FAM135B: variants seen among roughly 807,000 people sequenced by gnomAD.
FAM135B encodes the protein protein FAM135B.
A neutral mutation model predicts 127.7 loss-of-function variants in FAM135B; 43 were observed. The observed-to-expected ratio is 0.34, with a 90% CI of 0.26 to 0.43. FAM135B has a LOEUF of 0.43. Among genes scored for constraint, FAM135B ranks in the 20% least tolerant of loss-of-function variants. The probability of loss-of-function intolerance (pLI) is 1.00; values close to 1 mark genes in which losing one functional copy is unlikely to be tolerated. For synonymous variants in FAM135B, 670 were observed against 665.1 expected, an observed-to-expected ratio of 1.01 and a Z score of -0.11; for missense variants, 1,558 against 1,725.6, an observed-to-expected ratio of 0.90 and a Z score of 1.72.
At chr8:138,447,817 A>AAG (rs1836273773) in intron 1 of FAM135B, among the ~76,000 whole-genome samples, 1 of 151,616 alleles carries the variant, frequency 6.6e-6, no homozygotes, top group African/African-American at 2.4e-5. Context: ...TAATAAAAAA[A>AAG]AAAAGAAAAA....
intron 5 of FAM135B, among the ~76,000 whole-genome samples, chr8:138,252,636 C>A (rs1455217344): frequency 6.6e-6 from 1 of 152,060 alleles, no homozygotes; most frequent in Non-Finnish European, 1.5e-5. Flanking sequence ...GCAGGGAGGT[C>A]TCTAAGCTCT....
At chr8:138,423,922 A>G (rs187590706) in intron 1 of FAM135B, among the ~76,000 whole-genome samples, 1 of 152,314 alleles carries the variant, frequency 6.6e-6, no homozygotes, top group East Asian at 1.9e-4. Flanking sequence ...CCTTGCTGAG[A>G]AAAAGAATTC....
chr8:138,420,417 G>C (rs12541783), intron 1 of FAM135B, among the ~76,000 whole-genome samples: 58,026 of 151,704 alleles, frequency 0.38, 12,035 homozygotes, highest in Non-Finnish European at 0.47. Flanking sequence ...AAATTTACCA[G>C]ATATAGACAG....
chr8:138,411,472 T>A (rs566072916), intron 1 of FAM135B, among the ~76,000 whole-genome samples: 1 of 152,050 alleles, frequency 6.6e-6, no homozygotes, highest in Non-Finnish European at 1.5e-5. Flanking sequence ...TTACACCTTA[T>A]ACGAAAATCA....
chr8:138,240,593 G>C (rs1820680104), intron 7 of FAM135B, among the ~76,000 whole-genome samples: 1 of 152,182 alleles, frequency 6.6e-6, no homozygotes, highest in Admixed American at 6.5e-5. Flanking sequence ...GCATGGTGCT[G>C]GCCCTAGGGA....
At chr8:138,280,605 T>C (rs1421400532) in intron 3 of FAM135B, among the ~76,000 whole-genome samples, 1 of 152,174 alleles carries the variant, frequency 6.6e-6, no homozygotes, top group Non-Finnish European at 1.5e-5. Context: ...TCAGTAGTGC[T>C]GTGGTTCATC....
intron 1 of FAM135B, chr8:138,477,525 C>T (rs1275903153): frequency 6.6e-6 from 1 of 152,162 alleles, no homozygotes; most frequent in Non-Finnish European, 1.5e-5. Flanking sequence ...GTCATGGCTA[C>T]AAGGTCATGG....
At chr8:138,389,295 C>T (rs1224368140) in intron 1 of FAM135B, among the ~76,000 whole-genome samples, 1 of 152,188 alleles carries the variant, frequency 6.6e-6, no homozygotes, top group African/African-American at 2.4e-5. Flanking sequence ...CCAGCAATCC[C>T]ATTCTGGGTA....
intron 2 of FAM135B, among the ~76,000 whole-genome samples, chr8:138,340,964 T>C (rs1238366198): frequency 1.3e-5 from 2 of 152,354 alleles, no homozygotes; most frequent in South Asian, 2.1e-4. Flanking sequence ...CGGAGCACTT[T>C]CCTAGTATAG....
chr8:138,342,513 G>A (rs541663240), intron 2 of FAM135B, among the ~76,000 whole-genome samples: 2 of 152,300 alleles, frequency 1.3e-5, no homozygotes, highest in South Asian at 4.1e-4. Context: ...TGATTTTAAA[G>A]GGCCTTTGGC....
At chr8:138,212,634 T>C (rs2129876512) in intron 7 of FAM135B, among the ~76,000 whole-genome samples, 1 of 152,344 alleles carries the variant, frequency 6.6e-6, no homozygotes, top group East Asian at 1.9e-4. Flanking sequence ...GTGTGGAGAA[T>C]ACTTAACAAT....
chr8:138,316,277 C>T (rs570671866), intron 2 of FAM135B, among the ~76,000 whole-genome samples: 6 of 152,176 alleles, frequency 3.9e-5, no homozygotes, highest in South Asian at 4.1e-4. Flanking sequence ...GAGGCCGAGG[C>T]GGGCGGATCA....
At chr8:138,204,427 T>C (rs1160652011) in intron 7 of FAM135B, among the ~76,000 whole-genome samples, 1 of 152,202 alleles carries the variant, frequency 6.6e-6, no homozygotes, top group Non-Finnish European at 1.5e-5. Context: ...TACTTTTTAG[T>C]TTTATTTTTC....
chr8:138,420,479 G>A (rs1289769875), intron 1 of FAM135B, among the ~76,000 whole-genome samples: 3 of 151,884 alleles, frequency 2.0e-5, no homozygotes, highest in Non-Finnish European at 4.4e-5. Flanking sequence ...AAGGAGTAGG[G>A]ACTCCTCTCT....
intron 2 of FAM135B, among the ~76,000 whole-genome samples, chr8:138,321,876 T>C (rs563236350): frequency 6.6e-6 from 1 of 152,278 alleles, no homozygotes; most frequent in African/African-American, 2.4e-5. Flanking sequence ...TCGAGGTCCC[T>C]GTGAAGAGGA....
intron 2 of FAM135B, among the ~76,000 whole-genome samples, chr8:138,347,708 C>T (rs1411823115): frequency 1.3e-5 from 2 of 152,134 alleles, no homozygotes; most frequent in African/African-American, 2.4e-5. Context: ...AAAGTCAGGG[C>T]CTGAGCCAAT....
At chr8:138,150,067 T>C (rs1040546976) in intron 13 of FAM135B, among the ~76,000 whole-genome samples, 17 of 152,220 alleles carry the variant, frequency 1.1e-4, no homozygotes, top group Non-Finnish European at 2.1e-4. Flanking sequence ...TATGTAACTC[T>C]TTAGCATTTT....
intron 1 of FAM135B, among the ~76,000 whole-genome samples, chr8:138,372,174 C>T (rs1331293922): frequency 6.6e-6 from 1 of 152,250 alleles, no homozygotes; most frequent in Non-Finnish European, 1.5e-5. Context: ...AGAGTAACCA[C>T]AGCAGGTCAT....
intron 12 of FAM135B, among the ~76,000 whole-genome samples, chr8:138,154,809 A>G (rs200479733): frequency 6.6e-6 from 1 of 152,198 alleles, no homozygotes; most frequent in African/African-American, 2.4e-5. Flanking sequence ...AAGACCAAAT[A>G]TACATCTAAT....
Sources: allele counts gnomAD v4.1 joint callset (sites outside exome capture counted in the v4.1 genomes callset), GRCh38; gene constraint gnomAD v4.1.1; transcripts MANE v1.5; gene names NCBI Gene and HGNC (gene_info 2026-07-23, HGNC 2026-07-21).